PTPRD: variants seen among roughly 807,000 people sequenced by gnomAD.
PTPRD encodes protein tyrosine phosphatase receptor type D.
PTPRD carries 34 observed loss-of-function variants against 214.5 expected under a neutral mutation model. The ratio of observed to expected loss-of-function variants is 0.16; its 90% CI spans 0.12 to 0.21. The LOEUF (loss-of-function observed/expected upper bound fraction) is 0.21, where lower values mean the gene tolerates loss of function less well. PTPRD is among the 10% of genes least tolerant of loss of function. PTPRD has a pLI of 1.00. For synonymous variants in PTPRD, 1,128 were observed against 845.7 expected (o/e 1.33, Z -5.79); for missense variants, 2,545 against 2,398.7 (o/e 1.06, Z -1.27).
intron 7 of PTPRD, among the ~76,000 whole-genome samples, chr9:9,577,347 T>G (rs1209091361): frequency 6.6e-6 from 1 of 152,068 alleles, no homozygotes; most frequent in Non-Finnish European, 1.5e-5. Flanking sequence ...GCAGATTGCT[T>G]GAGCCTAAGA....
intron 2 of PTPRD, among the ~76,000 whole-genome samples, chr9:10,357,924 T>C (rs922473570): frequency 6.6e-6 from 1 of 152,056 alleles, no homozygotes; most frequent in Non-Finnish European, 1.5e-5. Flanking sequence ...TATTCCAAGC[T>C]AAAGAAATAT....
chr9:8,846,733 T>C (rs1253880204), intron 11 of PTPRD, among the ~76,000 whole-genome samples: 1 of 151,830 alleles, frequency 6.6e-6, no homozygotes, highest in Non-Finnish European at 1.5e-5. Flanking sequence ...GTGTTAGGGA[T>C]GGAAGGAGTG....
chr9:9,838,074 C>T (rs1277112600), intron 5 of PTPRD, among the ~76,000 whole-genome samples: 2 of 152,166 alleles, frequency 1.3e-5, no homozygotes, highest in African/African-American at 4.8e-5. Context: ...CAGTTTCATC[C>T]ATGTCCCTAC....
At chr9:10,598,333 G>C (rs981198742) in intron 2 of PTPRD, among the ~76,000 whole-genome samples, 3 of 151,726 alleles carry the variant, frequency 2.0e-5, no homozygotes, top group African/African-American at 7.3e-5. Flanking sequence ...AAAATTTTAA[G>C]TAAATAAAAC....
At chr9:8,713,165 A>ATAAC in intron 12 of PTPRD, 1 of 561,162 alleles carries the variant, frequency 1.8e-6, no homozygotes, top group Non-Finnish European at 3.1e-6. Context: ...CTTCTCCTGC[A>ATAAC]TAACTGTCAG....
At chr9:8,918,643 CTT>C (rs764263630) in intron 11 of PTPRD, among the ~76,000 whole-genome samples, 2 of 152,128 alleles carry the variant, frequency 1.3e-5, no homozygotes, top group Non-Finnish European at 2.9e-5. Flanking sequence ...ATATTGCACA[CTT>C]TCCTTCTCTG....
intron 10 of PTPRD, among the ~76,000 whole-genome samples, chr9:9,072,383 C>T (rs2099745063): frequency 6.6e-6 from 1 of 151,152 alleles, no homozygotes. Context: ...CAGATTGCTA[C>T]CAGACTATAC....
intron 4 of PTPRD, among the ~76,000 whole-genome samples, chr9:10,026,897 T>A (rs906009101): frequency 3.3e-5 from 5 of 150,212 alleles, no homozygotes; most frequent in Non-Finnish European, 7.4e-5. Flanking sequence ...GAGAAGGATA[T>A]AAAATTGCAA....
At chr9:9,248,533 T>C (rs2099974040) in intron 9 of PTPRD, among the ~76,000 whole-genome samples, 1 of 152,118 alleles carries the variant, frequency 6.6e-6, no homozygotes. Context: ...AGATATGAAT[T>C]AGCACCCATC....
At chr9:9,669,066 A>G (rs914498800) in intron 7 of PTPRD, among the ~76,000 whole-genome samples, 1 of 152,128 alleles carries the variant, frequency 6.6e-6, no homozygotes, top group Non-Finnish European at 1.5e-5. Context: ...TCTTTATTCT[A>G]AAAAAGATTT....
At chr9:9,614,438 A>T (rs2154347711) in intron 7 of PTPRD, among the ~76,000 whole-genome samples, 1 of 152,296 alleles carries the variant, frequency 6.6e-6, no homozygotes, top group South Asian at 2.1e-4. Context: ...ACAATATATC[A>T]ATGCAATGTA....
At chr9:9,265,673 G>T (rs1939122249) in intron 9 of PTPRD, among the ~76,000 whole-genome samples, 1 of 151,286 alleles carries the variant, frequency 6.6e-6, no homozygotes, top group East Asian at 2.0e-4. Flanking sequence ...TATTTTTTAT[G>T]TAAGCCTCAG....
intron 3 of PTPRD, among the ~76,000 whole-genome samples, chr9:10,186,358 G>A (rs1246079213): frequency 6.6e-6 from 1 of 151,942 alleles, no homozygotes; most frequent in East Asian, 1.9e-4. Context: ...TTGCAATCTT[G>A]TTTACTTGGG....
rs373779671 is a variant in PTPRD, at chr9:9,792,236, A to G, written c.-367-25385T>C. On this transcript the variant is annotated intron_variant, in intron 5 of 45. Coordinates refer to ENST00000381196, the MANE Select transcript of PTPRD (RefSeq NM_002839.4). ...TTCCAAATCCACAGTTCCTGTTAAT[A>G]TTAGTACTGCATGTTATTTAATGCT... 1.9e-3 allele frequency among the ~76,000 whole-genome samples: 285 copies of G among 152,062 alleles called. 7 individuals are homozygous for G. The highest frequency in any genetic ancestry group is 6.8e-3 in the Middle Eastern group (2 of 294).
chr9:9,758,705 G>C (rs1032169771), intron 6 of PTPRD, among the ~76,000 whole-genome samples: 1 of 151,896 alleles, frequency 6.6e-6, no homozygotes, highest in Non-Finnish European at 1.5e-5. Flanking sequence ...AAGCAAGGAC[G>C]CTCCAGAACC....
intron 5 of PTPRD, among the ~76,000 whole-genome samples, chr9:9,775,848 T>C (rs182726711): frequency 0.014 from 2,046 of 144,026 alleles, 61 homozygotes; most frequent in African/African-American, 0.049. Context: ...CCCAGCTACT[T>C]GGGAGGCTGA....
chr9:8,536,272 CAA>C (rs1333693034), intron 14 of PTPRD, among the ~76,000 whole-genome samples: 1 of 151,826 alleles, frequency 6.6e-6, no homozygotes. Flanking sequence ...AATGGGACAA[CAA>C]AAGAGTTTGA....
At chr9:10,525,984 A>T (rs1688390195) in intron 2 of PTPRD, among the ~76,000 whole-genome samples, 1 of 152,122 alleles carries the variant, frequency 6.6e-6, no homozygotes, top group Non-Finnish European at 1.5e-5. Context: ...AAAAGTAAAT[A>T]AGGTTAAAAA....
intron 11 of PTPRD, among the ~76,000 whole-genome samples, chr9:8,914,505 T>C (rs1414391751): frequency 6.6e-6 from 1 of 152,066 alleles, no homozygotes; most frequent in Non-Finnish European, 1.5e-5. Flanking sequence ...CTCTTTAAGC[T>C]CAGAAATATG....
Sources: gnomAD v4.1 joint callset for allele counts (sites outside exome capture counted in the v4.1 genomes callset) on GRCh38, gnomAD v4.1.1 for gene constraint, MANE v1.5 for transcripts, NCBI Gene and HGNC (gene_info 2026-07-23, HGNC 2026-07-21) for gene names.